ZNF226: variants seen among roughly 807,000 people sequenced by gnomAD.
ZNF226 encodes the protein Kruppel-associated box protein.
ZNF226 carries 6 observed loss-of-function variants against 11.4 expected under a neutral mutation model. That is an observed-to-expected ratio of 0.53 (90% CI 0.29 to 1.04). The LOEUF (loss-of-function observed/expected upper bound fraction) is 1.04. ZNF226 is among the 50% of genes least tolerant of loss of function. The pLI is 0.08. For synonymous variants in ZNF226, 350 were observed against 322.8 expected, an observed-to-expected ratio of 1.08 and a Z score of -0.90; for missense variants, 1,058 against 956.5, an observed-to-expected ratio of 1.11 and a Z score of -1.40.
chr19:44,168,119 T>C (rs1969620991), intron 2 of ZNF226, among the ~76,000 whole-genome samples: 1 of 152,236 alleles, frequency 6.6e-6, no homozygotes, highest in African/African-American at 2.4e-5. Flanking sequence ...TTTCTCTCTG[T>C]GTTACAAGCT....
chr19:44,196,272 A>C, the ZNF226 span, among the ~76,000 whole-genome samples: 1 of 152,244 alleles, frequency 6.6e-6, no homozygotes, highest in Non-Finnish European at 1.5e-5. Flanking sequence ...AAGATGGTAC[A>C]TTCTGTGAAT....
chr19:44,176,945 T>G lies in ZNF226; in HGVS notation c.1683T>G (p.Cys561Trp). 1.2e-6 allele frequency: 2 copies of G among 1,613,832 alleles called. No homozygotes were observed. Among genetic ancestry groups the G allele is most frequent in the Non-Finnish European group, 1.7e-6 (2 of 1,179,854 alleles). ...ACAGTATAGAGAAACCTTTTAAGTG[T>G]GAGGAGTGTGGGCAGGGTTTCAATC... ...KAHSIEKPFK[C>W]EECGQGFNQS... The change falls in exon 6 of 6, where the codon TGT becomes TGG. Residue 561 changes from cysteine to tryptophan, a missense_variant. Transcript: ENST00000337433.
In ZNF226 at chr19:44,175,561, G is replaced by A. The variant is rs939185554; in HGVS notation, c.299G>A (p.Cys100Tyr). 1.2e-6 allele frequency: 2 copies of A among 1,612,638 alleles called. No homozygotes were observed. The highest frequency in any genetic ancestry group is 2.7e-5 in the African/African-American group (2 of 74,954). Residue 100 changes from cysteine (C) to tyrosine (Y), a missense_variant, in exon 6 of 6, where the codon TGT becomes TAT. Cys to Tyr is a radical substitution (Grantham distance 194). Transcript: ENST00000337433. The part of the protein sequence containing the change: ...QDRESEEELS[C>Y]WQIWQQIAND... Reference sequence around the variant, plus strand: ...AGAGAATCAGAAGAAGAGCTTTCTTGTTGGCAAATCTGGCAACAAATTGCA... The same window carrying A: ...AGAGAATCAGAAGAAGAGCTTTCTTATTGGCAAATCTGGCAACAAATTGCA...
chr19:44,177,439 C>T lies in ZNF226; in HGVS notation c.2177C>T (p.Pro726Leu). 6.2e-7 allele frequency: 1 copy of T among 1,614,176 alleles called. No individual in the cohort carries two copies. The highest frequency in any genetic ancestry group is 8.5e-7 in the Non-Finnish European group (1 of 1,180,034). ...CAGAGTGTCCACACAGGAGAGAAACCATACAAATGTGATGTGTGTGGTAAA... is the reference window on the plus strand; with the variant it reads ...CAGAGTGTCCACACAGGAGAGAAACTATACAAATGTGATGTGTGTGGTAAA... ...LHQSVHTGEKPYKCDVCGKVF... is the reference protein window; with the variant it reads ...LHQSVHTGEKLYKCDVCGKVF... Residue 726 changes from proline to leucine, a missense_variant, in exon 6 of 6, where the codon CCA becomes CTA. Coordinates refer to ENST00000337433, the MANE Select transcript of ZNF226 (RefSeq NM_001032373.2).
At chr19:44,178,918 G>A (rs1484661618), downstream of ZNF226, among the ~76,000 whole-genome samples, 3 of 152,150 alleles carry the variant, frequency 2.0e-5, no homozygotes, top group Non-Finnish European at 2.9e-5. Flanking sequence ...GATGGCCCAC[G>A]TCCATAATCC....
At position 44,176,272 on chromosome 19, in the gene ZNF226, G is replaced by A. The variant is rs1317266908; in HGVS notation, c.1010G>A (p.Cys337Tyr). The change falls in exon 6 of 6, where the codon TGT becomes TAT. Residue 337 changes from cysteine (C) to tyrosine (Y), a missense_variant. Coordinates refer to ENST00000337433, the MANE Select transcript of ZNF226 (RefSeq NM_001032373.2). The part of the protein sequence containing the change: ...KVHVIEKPYK[C>Y]KQCGKGFSRR... Reference sequence around the variant, plus strand: ...CACGTGATAGAGAAACCATACAAATGTAAGCAATGTGGGAAAGGTTTCAGT... The same window carrying A: ...CACGTGATAGAGAAACCATACAAATATAAGCAATGTGGGAAAGGTTTCAGT... 1 of 1,614,176 alleles carries A rather than the reference G, an allele frequency of 6.2e-7. No homozygotes were observed. The highest frequency in any genetic ancestry group is 1.1e-5 in the South Asian group (1 of 91,082).
downstream of ZNF226, chr19:44,177,771 A>G (rs1258905809): frequency 2.3e-5 from 30 of 1,309,448 alleles, no homozygotes; most frequent in East Asian, 6.0e-4. Flanking sequence ...TGGTCCAAAG[A>G]CAACAAAACA....
At chr19:44,194,959 A>T in the ZNF226 span, among the ~76,000 whole-genome samples, 782 of 152,360 alleles carry the variant, frequency 5.1e-3, 3 homozygotes, top group African/African-American at 0.017. Context: ...CCAAATTGAC[A>T]TGAAACCAAA....
the ZNF226 span, among the ~76,000 whole-genome samples, chr19:44,186,867 G>C: frequency 9.2e-5 from 9 of 97,336 alleles, no homozygotes; most frequent in African/African-American, 4.7e-4. Flanking sequence ...TTCATTTCTA[G>C]TTAAGTGGTT....
rs1158775851 is a variant in ZNF226 at position 44,177,162 on chromosome 19, CAGAG to C, written c.1903_1906del (p.Arg635SerfsTer49). 1.1e-5 allele frequency: 17 copies of C among 1,613,796 alleles called. No individual in the cohort carries two copies. The highest frequency in any genetic ancestry group is 1.4e-5 in the Non-Finnish European group (16 of 1,179,982). On this transcript the variant is annotated frameshift_variant, in exon 6 of 6. Transcript: ENST00000337433. LOFTEE classifies it low-confidence loss of function (END_TRUNC). ...GCAGGCCTCAAATCTTTTGGCCCATCAGAGAGTCCACAGTGGAGAAAAACCATTC... is the reference window on the plus strand; with the variant it reads ...GCAGGCCTCAAATCTTTTGGCCCATCAGTCCACAGTGGAGAAAAACCATTC...
At chr19:44,179,821 G>T (rs1970879308), downstream of ZNF226, among the ~76,000 whole-genome samples, 1 of 151,902 alleles carries the variant, frequency 6.6e-6, no homozygotes, top group Non-Finnish European at 1.5e-5. Context: ...GGTTGCTCGT[G>T]CCTCTAATCC....
At chr19:44,191,427 C>G in the ZNF226 span, among the ~76,000 whole-genome samples, 1 of 152,086 alleles carries the variant, frequency 6.6e-6, no homozygotes, top group Non-Finnish European at 1.5e-5. Flanking sequence ...TAATATACAT[C>G]AATAACATAT....
At chr19:44,170,131 A>G (rs1417815411) in intron 3 of ZNF226, 36 bp downstream of exon 3, 1 of 1,607,060 alleles carries the variant, frequency 6.2e-7, no homozygotes, top group East Asian at 2.2e-5. Context: ...TGTTAAAAAT[A>G]CCATTTTAGT....
chr19:44,181,292 G>A (rs1167386456), downstream of ZNF226, among the ~76,000 whole-genome samples: 1 of 152,154 alleles, frequency 6.6e-6, no homozygotes, highest in African/African-American at 2.4e-5. Flanking sequence ...TGAGATGGAG[G>A]GATCACTTGA....
chr19:44,182,002 T>TA (rs1050437603), downstream of ZNF226, among the ~76,000 whole-genome samples: 20 of 152,088 alleles, frequency 1.3e-4, no homozygotes, highest in Admixed American at 5.9e-4. Context: ...TTGTAGATCT[T>TA]ACCAGTGTTG....
At chr19:44,181,165 G>A (rs945725093), downstream of ZNF226, among the ~76,000 whole-genome samples, 1 of 152,168 alleles carries the variant, frequency 6.6e-6, no homozygotes, top group Non-Finnish European at 1.5e-5. Flanking sequence ...GATCTCTTGA[G>A]CTCAGGGGTT....
In ZNF226 at chr19:44,176,400, G is replaced by T; in HGVS notation, c.1138G>T (p.Asp380Tyr). The T allele has an allele frequency of 6.2e-7, 1 of 1,613,912 alleles. No homozygotes were observed. Among genetic ancestry groups the T allele is most frequent in the South Asian group, 1.1e-5 (1 of 91,064 alleles). ...CTTCAGTCAGGCCTCTCATCTTCAGGACCATCAGAGACTCCACACTGGGGA... is the reference window on the plus strand; with the variant it reads ...CTTCAGTCAGGCCTCTCATCTTCAGTACCATCAGAGACTCCACACTGGGGA... ...RAFSQASHLQ[D>Y]HQRLHTGEKP... The change falls in exon 6 of 6, where the codon GAC becomes TAC. Residue 380 changes from aspartate to tyrosine, a missense_variant. By Grantham distance (160) the Asp-to-Tyr change is radical (BLOSUM62 -3). Coordinates refer to ENST00000337433, the MANE Select transcript of ZNF226 (RefSeq NM_001032373.2).
At chr19:44,171,080 TTTTAAACTATTCTCTATATACAG>T (rs1349499785) in intron 3 of ZNF226, among the ~76,000 whole-genome samples, 1 of 152,236 alleles carries the variant, frequency 6.6e-6, no homozygotes, top group Non-Finnish European at 1.5e-5. Context: ...TGTATCCAGT[TTTTAAACTATTCTCTATATACAG>T]TTAGTGTAGG....
intron 2 of ZNF226, among the ~76,000 whole-genome samples, chr19:44,168,644 A>G (rs1207585536): frequency 6.6e-6 from 1 of 152,178 alleles, no homozygotes; most frequent in Non-Finnish European, 1.5e-5. Flanking sequence ...AATTCAAGCT[A>G]TGCATTGTCA....
Sources: allele counts gnomAD v4.1 joint callset (sites outside exome capture counted in the v4.1 genomes callset), GRCh38; gene constraint gnomAD v4.1.1; transcripts MANE v1.5; gene names NCBI Gene and HGNC (gene_info 2026-07-23, HGNC 2026-07-21).